The following DCDC1 variants were observed in gnomAD, a reference collection of about 807,000 sequenced individuals.
DCDC1 encodes doublecortin domain-containing protein 1.
A neutral mutation model predicts 178.3 loss-of-function variants in DCDC1; 200 were observed. The ratio of observed to expected loss-of-function variants is 1.12; its 90% CI spans 1.00 to 1.26. The LOEUF is 1.26. Among genes scored for constraint, DCDC1 ranks in the 50% most tolerant of loss-of-function variants. The probability of loss-of-function intolerance (pLI) is 0.00; values close to 1 mark genes in which losing one functional copy is unlikely to be tolerated. For synonymous variants in DCDC1, 690 were observed against 604.8 expected (o/e 1.14, Z -2.07); for missense variants, 1,983 against 1,749.2 (o/e 1.13, Z -2.38).
intron 20 of DCDC1, among the ~76,000 whole-genome samples, chr11:30,996,091 A>C (rs1951250053): frequency 6.6e-6 from 1 of 152,188 alleles, no homozygotes; most frequent in Admixed American, 6.5e-5. Flanking sequence ...CCAATTTTAA[A>C]AAGGGCAAAT....
intron 20 of DCDC1, among the ~76,000 whole-genome samples, chr11:31,025,049 T>C (rs1953132631): frequency 6.6e-6 from 1 of 151,880 alleles, no homozygotes. Context: ...TATCACTTCA[T>C]AATTCTGAGT....
intron 9 of DCDC1, among the ~76,000 whole-genome samples, chr11:31,190,194 A>G (rs917763116): frequency 2.0e-5 from 3 of 152,172 alleles, no homozygotes; most frequent in African/African-American, 7.2e-5. Flanking sequence ...CTTATTTGTT[A>G]GTTACATGCA....
At chr11:31,241,753 G>A (rs1312084530) in intron 8 of DCDC1, 137 bp from the exon 9 acceptor site, 20 of 385,602 alleles carry the variant, frequency 5.2e-5, no homozygotes, top group Non-Finnish European at 8.3e-5. Flanking sequence ...TCTTAGAGAG[G>A]CAATTCCTGC....
At chr11:30,998,325 G>A (rs1281492728) in intron 20 of DCDC1, among the ~76,000 whole-genome samples, 1 of 151,950 alleles carries the variant, frequency 6.6e-6, no homozygotes, top group African/African-American at 2.4e-5. Context: ...TGGGGAGGGG[G>A]GAGGAAGTAT....
intron 8 of DCDC1, among the ~76,000 whole-genome samples, chr11:31,244,896 T>C (rs12796587): frequency 0.3 from 44,888 of 151,550 alleles, 8,079 homozygotes; most frequent in East Asian, 0.63. Context: ...ACTGAGGCTG[T>C]TGATAAATCA....
chr11:31,111,151 A>T (rs1057050547), intron 11 of DCDC1, among the ~76,000 whole-genome samples: 8 of 152,166 alleles, frequency 5.3e-5, no homozygotes, highest in Non-Finnish European at 1.2e-4. Flanking sequence ...CTGATGAATA[A>T]TTTAAATCCC....
At chr11:31,356,195 C>T (rs988335533) in intron 1 of DCDC1, among the ~76,000 whole-genome samples, 2 of 152,050 alleles carry the variant, frequency 1.3e-5, no homozygotes, top group Non-Finnish European at 2.9e-5. Context: ...TTTATGTTTA[C>T]CAAGCCAAGA....
At chr11:31,066,241 C>T (rs1450079672) in intron 18 of DCDC1, among the ~76,000 whole-genome samples, 1 of 152,106 alleles carries the variant, frequency 6.6e-6, no homozygotes, top group East Asian at 1.9e-4. Context: ...TTGGAGGCTA[C>T]CCTTACATGG....
chr11:31,351,026 A>G (rs1951046496), intron 1 of DCDC1, among the ~76,000 whole-genome samples: 1 of 152,074 alleles, frequency 6.6e-6, no homozygotes. Flanking sequence ...ATTAAGTCAT[A>G]AAAACAGGAG....
In DCDC1 at chr11:30,968,128, T is replaced by A. The variant is rs975847477; in HGVS notation, c.2592-15560A>T. On this transcript the variant is annotated intron_variant, in intron 20 of 38. Coordinates refer to ENST00000684477, the MANE Select transcript of DCDC1 (RefSeq NM_001387274.1). ...CTATCCTTGAGGAGTCCCAGTTTGG[T>A]GAGCAGGATGGGCCAATGGAATAGG... Among the ~76,000 whole-genome samples, 16 of 152,160 alleles carry A rather than the reference T, an allele frequency of 1.1e-4. No homozygotes were observed. The South Asian group carries it at 2.7e-3, about 26-fold the overall frequency.
At chr11:30,903,790 T>A (rs759381329) in intron 31 of DCDC1, 107 bp from the exon 32 acceptor site, 32 of 1,019,124 alleles carry the variant, frequency 3.1e-5, no homozygotes, top group Admixed American at 7.4e-5. Flanking sequence ...TAATTGAATT[T>A]GAGAAAATAG....
intron 9 of DCDC1, among the ~76,000 whole-genome samples, chr11:31,237,052 T>G (rs1976550713): frequency 6.6e-6 from 1 of 152,042 alleles, no homozygotes; most frequent in Admixed American, 6.6e-5. Context: ...TTTAAAATAC[T>G]TTATGCAATA....
rs115565019 is a variant in DCDC1, at chr11:31,124,110, G to A, written c.1485+3359C>T. Among the ~76,000 whole-genome samples, 792 of 152,190 alleles carry A rather than the reference G, an allele frequency of 5.2e-3. 8 individuals carry two copies. The highest frequency in any genetic ancestry group is 0.018 in the African/African-American group (728 of 41,544). ...CTTGTCTTGTACCAGTTTTCAAGGC[G>A]AATGCTTCCAGCTTTTGCCCATTGA... On this transcript the variant is annotated intron_variant, in intron 11 of 38. Coordinates refer to ENST00000684477, the MANE Select transcript of DCDC1 (RefSeq NM_001387274.1).
intron 15 of DCDC1, among the ~76,000 whole-genome samples, chr11:31,101,276 C>T (rs891765478): frequency 1.6e-4 from 24 of 152,086 alleles, no homozygotes; most frequent in Admixed American, 5.2e-4. Context: ...GAGCAACAAC[C>T]GTACACAGCA....
intron 29 of DCDC1, among the ~76,000 whole-genome samples, chr11:30,906,986 G>C (rs1051633891): frequency 6.6e-6 from 1 of 152,122 alleles, no homozygotes; most frequent in African/African-American, 2.4e-5. Context: ...GAAATGGCCA[G>C]CTCCAGATTT....
At chr11:31,141,178 T>C (rs1204603306) in intron 9 of DCDC1, among the ~76,000 whole-genome samples, 3 of 152,192 alleles carry the variant, frequency 2.0e-5, no homozygotes, top group Non-Finnish European at 2.9e-5. Context: ...AGAAAAATAA[T>C]ACAGATTGTG....
At chr11:31,300,699 T>C (rs1948049976) in intron 6 of DCDC1, among the ~76,000 whole-genome samples, 1 of 152,026 alleles carries the variant, frequency 6.6e-6, no homozygotes, top group African/African-American at 2.4e-5. Flanking sequence ...AACTATAGAA[T>C]ATATAAATGA....
intron 16 of DCDC1, among the ~76,000 whole-genome samples, chr11:31,093,077 T>C (rs1957914855): frequency 2.0e-5 from 3 of 152,194 alleles, no homozygotes; most frequent in African/African-American, 7.2e-5. Context: ...GTGGAGATGT[T>C]ATTATTATTA....
intron 11 of DCDC1, among the ~76,000 whole-genome samples, chr11:31,114,693 G>A (rs1959600451): frequency 6.6e-6 from 1 of 152,178 alleles, no homozygotes; most frequent in African/African-American, 2.4e-5. Flanking sequence ...GGAGCAGAGT[G>A]ATGCAGAGAG....
Sources: gnomAD v4.1 joint callset for allele counts (sites outside exome capture counted in the v4.1 genomes callset) on GRCh38, gnomAD v4.1.1 for gene constraint, MANE v1.5 for transcripts, NCBI Gene and HGNC (gene_info 2026-07-23, HGNC 2026-07-21) for gene names.